The following C2CD3 variants were observed in gnomAD, a reference collection of about 807,000 sequenced individuals.
C2CD3 encodes C2 domain-containing protein 3.
Under a neutral mutation model 234.0 loss-of-function variants are expected in C2CD3, and 148 were observed. That is an observed-to-expected ratio of 0.63 (90% confidence interval 0.55 to 0.72). The LOEUF is 0.72. Among genes scored for constraint, C2CD3 ranks in the 30% least tolerant of loss-of-function variants. The pLI is 0.00. For synonymous variants in C2CD3, 1,000 were observed against 1,035.4 expected (o/e 0.97, Z 0.66); for missense variants, 2,577 against 2,811.5 (o/e 0.92, Z 1.89).
chr11:74,080,456 T>C (rs1955296963), intron 22 of C2CD3, among the ~76,000 whole-genome samples: 1 of 152,204 alleles, frequency 6.6e-6, no homozygotes, highest in African/African-American at 2.4e-5. Flanking sequence ...ACAGACCCTT[T>C]TGGCTCAAAT....
rs965510085 is a variant in C2CD3, at chr11:74,085,396, C to T, written c.3910+222G>A. The T allele has an allele frequency of 5.6e-6, 3 of 535,376 alleles. No homozygotes were observed. In the African/African-American group the frequency reaches 5.6e-5, roughly 10 times the overall value. The allele number at this position is 535,376 out of a possible 1,614,324, so 33.2% of individuals were successfully genotyped here. On this transcript the variant is annotated intron_variant, in intron 21 of 32. Coordinates refer to ENST00000334126, the MANE Select transcript of C2CD3 (RefSeq NM_001286577.2). Reference sequence around the variant, plus strand: ...CTCCTACACACCCTTCATCTCGATACACCCATTAACACTGACACATTTGCT... The same window carrying T: ...CTCCTACACACCCTTCATCTCGATATACCCATTAACACTGACACATTTGCT...
intron 31 of C2CD3, among the ~76,000 whole-genome samples, chr11:74,029,429 T>C (rs1481604488): frequency 6.6e-6 from 1 of 152,224 alleles, no homozygotes; most frequent in Non-Finnish European, 1.5e-5. Context: ...TCAATAAATA[T>C]CTTGTGAATG....
chr11:74,168,480 CA>C lies in C2CD3; in HGVS notation c.188del (p.Val63GlyfsTer26). On this transcript the variant is annotated frameshift_variant, in exon 2 of 33. Transcript: ENST00000334126. LOFTEE classifies it high-confidence loss of function. ...AKPPTCVLVR[V>X]RWWGETSDGT... ...CATCTGATGTTTCTCCCCACCATCT[CA>C]CTCGGACAAGTACACAAGTGGGAGG... The C allele has an allele frequency of 6.2e-7, 1 of 1,614,204 alleles. No homozygotes were observed. Among genetic ancestry groups the C allele is most frequent in the East Asian group, 2.2e-5 (1 of 44,878 alleles).
chr11:74,113,519 A>C (rs1956814239), intron 11 of C2CD3: 1 of 403,624 alleles, frequency 2.5e-6, no homozygotes, highest in Non-Finnish European at 4.6e-6. Flanking sequence ...TCTCTACTAA[A>C]AAATACAAAA....
At chr11:74,154,301 C>A (rs970996910) in intron 3 of C2CD3, among the ~76,000 whole-genome samples, 1 of 151,756 alleles carries the variant, frequency 6.6e-6, no homozygotes, top group African/African-American at 2.4e-5. Flanking sequence ...TTTCAAAAGA[C>A]ACAATCATGA....
chr11:74,060,974 T>A (rs990091536), intron 24 of C2CD3, among the ~76,000 whole-genome samples: 1 of 152,200 alleles, frequency 6.6e-6, no homozygotes, highest in African/African-American at 2.4e-5. Context: ...AACTATGTGA[T>A]GTGTGCACAA....
intron 18 of C2CD3, 45 bp downstream of exon 18, chr11:74,093,771 G>A: frequency 6.6e-7 from 1 of 1,511,062 alleles, no homozygotes; most frequent in Non-Finnish European, 9.1e-7. Context: ...CTTTATGATT[G>A]TGCACTTCCT....
chr11:74,133,744 T>TA, intron 5 of C2CD3, 187 bp from the exon 6 acceptor site: 1 of 603,962 alleles, frequency 1.7e-6, no homozygotes, highest in South Asian at 2.0e-5. Context: ...ACTGAGTTTC[T>TA]ACTGTGCACT....
intron 24 of C2CD3, among the ~76,000 whole-genome samples, chr11:74,062,288 C>T (rs954201616): frequency 6.6e-6 from 1 of 152,186 alleles, no homozygotes; most frequent in African/African-American, 2.4e-5. Flanking sequence ...TAGACAGCTA[C>T]AGAACTCTCC....
At chr11:74,154,129 G>T (rs535353921) in intron 3 of C2CD3, among the ~76,000 whole-genome samples, 1 of 152,016 alleles carries the variant, frequency 6.6e-6, no homozygotes, top group Admixed American at 6.6e-5. Flanking sequence ...GGAAAACAGT[G>T]GAGAAAATCT....
At chr11:74,116,004 C>T (rs1280968284) in intron 9 of C2CD3, among the ~76,000 whole-genome samples, 3 of 152,102 alleles carry the variant, frequency 2.0e-5, no homozygotes, top group African/African-American at 7.2e-5. Flanking sequence ...AAATCTAAGA[C>T]CTCAAATCAT....
chr11:74,017,725 C>T (rs1055940366), intron 32 of C2CD3, among the ~76,000 whole-genome samples: 14 of 152,210 alleles, frequency 9.2e-5, no homozygotes, highest in African/African-American at 2.7e-4. Context: ...CTATAAACCA[C>T]GGGCTTATCC....
chr11:74,073,586 CAA>C (rs72379516), intron 24 of C2CD3, among the ~76,000 whole-genome samples: 5,981 of 114,524 alleles, frequency 0.052, 337 homozygotes, highest in African/African-American at 0.16. Context: ...GACTTTGTTT[CAA>C]AAAAAAAAAA....
intron 18 of C2CD3, among the ~76,000 whole-genome samples, chr11:74,093,405 G>A (rs1175085400): frequency 2.7e-5 from 4 of 149,826 alleles, no homozygotes; most frequent in Non-Finnish European, 5.9e-5. Flanking sequence ...TCCTCTGGTG[G>A]TGGGAAGAAC....
chr11:74,041,245 T>A (rs975611866), intron 29 of C2CD3, among the ~76,000 whole-genome samples: 5 of 152,182 alleles, frequency 3.3e-5, no homozygotes, highest in African/African-American at 4.8e-5. Flanking sequence ...AGGACCTTCA[T>A]GATGTGACTC....
In C2CD3 at chr11:74,078,161, G is replaced by T. The variant is rs1955158623; in HGVS notation, c.4557C>A (p.Asp1519Glu). The T allele has an allele frequency of 1.2e-6, 2 of 1,613,772 alleles. No individual in the cohort carries two copies. Among genetic ancestry groups the T allele is most frequent in the African/African-American group, 2.7e-5 (2 of 74,830 alleles). Residue 1519 changes from aspartate (D) to glutamate (E), a missense_variant, in exon 23 of 33, where the codon GAC becomes GAA. Physicochemically the swap from Asp to Glu is conservative, Grantham distance 45 (BLOSUM62 2). Transcript: ENST00000334126. Reference protein sequence around the residue: ...TDSWIGSAYVDLARLGERSAR... With the variant: ...TDSWIGSAYVELARLGERSAR... ...CTGACCTCTCCCCAAGTCTGGCCAG[G>T]TCCACATAGGCTGAGCCAATCCAGC...
chr11:74,074,671 T>C, intron 23 of C2CD3, 71 bp from the exon 24 acceptor site: 2 of 1,250,918 alleles, frequency 1.6e-6, no homozygotes, highest in Non-Finnish European at 2.2e-6. Flanking sequence ...AAATACTCAC[T>C]GAGGGTGCTG....
chr11:74,117,100 G>T (rs1411148541), intron 9 of C2CD3, among the ~76,000 whole-genome samples: 1 of 38,834 alleles, frequency 2.6e-5, no homozygotes, highest in Admixed American at 3.6e-4. Flanking sequence ...ATATATATAT[G>T]AATATATATA....
At chr11:74,148,448 T>C (rs1358701970) in intron 3 of C2CD3, among the ~76,000 whole-genome samples, 2 of 151,736 alleles carry the variant, frequency 1.3e-5, no homozygotes, top group Admixed American at 6.6e-5. Context: ...GTATATAAGA[T>C]ATATGTGTGT....
Sources: gnomAD v4.1 joint callset for allele counts (sites outside exome capture counted in the v4.1 genomes callset) on GRCh38, gnomAD v4.1.1 for gene constraint, MANE v1.5 for transcripts, NCBI Gene and HGNC (gene_info 2026-07-23, HGNC 2026-07-21) for gene names.